The following SMARCC1 variants were observed in gnomAD, a reference collection of about 807,000 sequenced individuals.
The protein encoded by SMARCC1 is SWI/SNF related BAF chromatin remodeling complex subunit C1.
In SMARCC1, 43 loss-of-function variants were observed where a neutral mutation model predicts 147.4. The ratio of observed to expected loss-of-function variants is 0.29; its 90% CI spans 0.23 to 0.38. The LOEUF is 0.38. Among genes scored for constraint, SMARCC1 ranks in the 10% least tolerant of loss-of-function variants. The probability of loss-of-function intolerance (pLI) is 1.00; values close to 1 mark genes in which losing one functional copy is unlikely to be tolerated. For missense variants in SMARCC1, 1,119 were observed against 1,381.1 expected, an observed-to-expected ratio of 0.81 and a Z score of 3.01; for synonymous variants, 495 against 484.4, an observed-to-expected ratio of 1.02 and a Z score of -0.29.
intron 19 of SMARCC1, chr3:47,663,638 C>T: frequency 6.6e-7 from 1 of 1,510,192 alleles, no homozygotes; most frequent in Non-Finnish European, 9.2e-7. Flanking sequence ...CCCTGTGATT[C>T]CAGAGGTCCC....
At chr3:47,697,425 C>G (rs977239005) in intron 11 of SMARCC1, among the ~76,000 whole-genome samples, 1 of 151,596 alleles carries the variant, frequency 6.6e-6, no homozygotes, top group African/African-American at 2.4e-5. Context: ...CTCAGCCTCC[C>G]GAGTAGCCTG....
chr3:47,603,922 T>TG (rs1163757313), intron 26 of SMARCC1: 1 of 411,914 alleles, frequency 2.4e-6, no homozygotes, highest in Non-Finnish European at 4.8e-6. Context: ...TACCAAAAGT[T>TG]GGAGTTATCA....
At chr3:47,768,920 A>AG (rs2034873667) in intron 2 of SMARCC1, among the ~76,000 whole-genome samples, 1 of 152,142 alleles carries the variant, frequency 6.6e-6, no homozygotes, top group Admixed American at 6.6e-5. Context: ...AAAAAACATC[A>AG]GGCAGCTAGC....
At position 47,665,560 on chromosome 3, in the gene SMARCC1, G is replaced by A. The variant is rs139453026; in HGVS notation, c.1900-2968C>T. Among the ~76,000 whole-genome samples, 81 of 152,180 alleles carry A rather than the reference G, an allele frequency of 5.3e-4. 2 individuals carry two copies. In the East Asian group the frequency reaches 0.014, roughly 27 times the overall value. ...TTTTCCAGAATAAAGGTGGAGTTGG[G>A]GAAACTTCTGAGATACAAAATCCAA... is the stretch of plus-strand genomic sequence containing the variant. On this transcript the variant is annotated intron_variant, in intron 19 of 27. Transcript: ENST00000254480.
intron 11 of SMARCC1, among the ~76,000 whole-genome samples, chr3:47,696,481 C>T (rs2033854346): frequency 1.3e-5 from 2 of 151,870 alleles, no homozygotes; most frequent in Non-Finnish European, 2.9e-5. Context: ...AAAGGTTCAC[C>T]AAAGTAGACT....
At chr3:47,683,874 A>C (rs1183793869) in intron 14 of SMARCC1, among the ~76,000 whole-genome samples, 2 of 152,200 alleles carry the variant, frequency 1.3e-5, no homozygotes, top group East Asian at 3.8e-4. Context: ...AACAACAACA[A>C]AACAGTCGAG....
chr3:47,705,447 T>C (rs2033980680), intron 10 of SMARCC1, among the ~76,000 whole-genome samples: 1 of 152,160 alleles, frequency 6.6e-6, no homozygotes, highest in South Asian at 2.1e-4. Context: ...ACTAAGTTTT[T>C]AAAGGTTTTT....
At chr3:47,753,783 G>A (rs2034656873) in intron 2 of SMARCC1, among the ~76,000 whole-genome samples, 1 of 150,466 alleles carries the variant, frequency 6.6e-6, no homozygotes, top group African/African-American at 2.4e-5. Context: ...TCTATGAAAG[G>A]AGTATTCACA....
At chr3:47,621,008 A>G (rs1002520195) in intron 25 of SMARCC1, among the ~76,000 whole-genome samples, 14 of 152,132 alleles carry the variant, frequency 9.2e-5, no homozygotes, top group African/African-American at 3.4e-4. Flanking sequence ...CCCAAAAGAA[A>G]ATAAATTGTT....
chr3:47,742,267 A>T (rs1396370408), intron 3 of SMARCC1, among the ~76,000 whole-genome samples: 1 of 151,856 alleles, frequency 6.6e-6, no homozygotes, highest in Non-Finnish European at 1.5e-5. Flanking sequence ...ACTCCGTCTC[A>T]AAAAAGAAAA....
intron 6 of SMARCC1, among the ~76,000 whole-genome samples, chr3:47,722,050 C>T (rs1035930209): frequency 3.3e-5 from 5 of 151,898 alleles, no homozygotes; most frequent in Non-Finnish European, 5.9e-5. Context: ...CAGAATCAGG[C>T]CCTGTTCCCT....
chr3:47,607,451 C>G (rs930085647), intron 26 of SMARCC1, among the ~76,000 whole-genome samples: 1 of 152,184 alleles, frequency 6.6e-6, no homozygotes, highest in African/African-American at 2.4e-5. Context: ...CCCAAAAGCA[C>G]AAACTTTGGC....
At chr3:47,779,767 T>TC (rs1449135987) in intron 1 of SMARCC1, among the ~76,000 whole-genome samples, 1 of 152,230 alleles carries the variant, frequency 6.6e-6, no homozygotes, top group Non-Finnish European at 1.5e-5. Flanking sequence ...TTTGCCTTTT[T>TC]CTACTCTCTT....
At chr3:47,649,685 T>C (rs573470704) in intron 21 of SMARCC1, among the ~76,000 whole-genome samples, 81 of 152,292 alleles carry the variant, frequency 5.3e-4, no homozygotes, top group Middle Eastern at 3.4e-3. Flanking sequence ...TCAAAACCTG[T>C]CCAAACCAGA....
chr3:47,769,254 C>T (rs1453090251), intron 2 of SMARCC1, among the ~76,000 whole-genome samples: 6 of 149,456 alleles, frequency 4.0e-5, no homozygotes, highest in Admixed American at 1.3e-4. Context: ...CAGTGGCTCA[C>T]GCCTGTAATC....
At chr3:47,721,377 T>C (rs1025142380) in intron 6 of SMARCC1, among the ~76,000 whole-genome samples, 2 of 152,152 alleles carry the variant, frequency 1.3e-5, no homozygotes, top group African/African-American at 2.4e-5. Context: ...CAAAGATAAG[T>C]GCAAATTATA....
rs1056909364 is a variant in SMARCC1 at position 47,736,569 on chromosome 3, G to A, written c.484-443C>T. Among the ~76,000 whole-genome samples, 11 of 151,940 alleles carry A rather than the reference G, an allele frequency of 7.2e-5. No homozygotes were observed. The East Asian group carries it at 1.7e-3, about 24-fold the overall frequency. On this transcript the variant is annotated intron_variant, in intron 4 of 27. Transcript: ENST00000254480. Reference sequence around the variant, plus strand: ...TGGGCGCCTGTAGTCCCAGCTACTCGGGAGGCTGAGGCAGGAGAATGGCGT... The same window carrying A: ...TGGGCGCCTGTAGTCCCAGCTACTCAGGAGGCTGAGGCAGGAGAATGGCGT...
chr3:47,663,245 A>G (rs1443433845), intron 19 of SMARCC1, among the ~76,000 whole-genome samples: 2 of 143,620 alleles, frequency 1.4e-5, no homozygotes, highest in African/African-American at 5.2e-5. Context: ...GAAGGAAGGA[A>G]GGAAGGAAGG....
chr3:47,667,313 G>A (rs1217724892), intron 19 of SMARCC1, among the ~76,000 whole-genome samples: 9 of 104,722 alleles, frequency 8.6e-5, no homozygotes, highest in Middle Eastern at 5.1e-3. Flanking sequence ...GCGAGACTCC[G>A]TCTCAAAAAA....
Sources: gnomAD v4.1 joint callset for allele counts (sites outside exome capture counted in the v4.1 genomes callset) on GRCh38, gnomAD v4.1.1 for gene constraint, MANE v1.5 for transcripts, NCBI Gene and HGNC (gene_info 2026-07-23, HGNC 2026-07-21) for gene names.